The following STK39 variants were observed in gnomAD, a reference collection of about 807,000 sequenced individuals.
STK39 encodes serine/threonine kinase 39.
STK39 carries 20 observed loss-of-function variants against 77.8 expected under a neutral mutation model. The observed-to-expected ratio is 0.26, with a 90% CI of 0.18 to 0.37. The LOEUF is 0.37. STK39 is among the 10% of genes least tolerant of loss of function. The pLI is 1.00. For missense variants in STK39, 479 were observed against 656.5 expected (o/e 0.73, Z 2.95); for synonymous variants, 246 against 234.1 (o/e 1.05, Z -0.47).
intron 16 of STK39, among the ~76,000 whole-genome samples, chr2:168,001,581 T>C (rs1010914648): frequency 2.0e-5 from 3 of 152,188 alleles, no homozygotes; most frequent in African/African-American, 4.8e-5. Flanking sequence ...TAATTAGATA[T>C]GGAGCCAAAA....
intron 1 of STK39, among the ~76,000 whole-genome samples, chr2:168,218,333 G>T (rs1690075693): frequency 6.6e-6 from 1 of 152,158 alleles, no homozygotes; most frequent in Non-Finnish European, 1.5e-5. Context: ...TTCCCCAAAA[G>T]AATATCTTGG....
chr2:168,182,563 C>A (rs936765104), intron 1 of STK39, among the ~76,000 whole-genome samples: 2 of 152,132 alleles, frequency 1.3e-5, no homozygotes, highest in African/African-American at 2.4e-5. Flanking sequence ...CAAGAATCAA[C>A]CCTAGTATTC....
chr2:168,022,999 C>T (rs1277057815), intron 14 of STK39, among the ~76,000 whole-genome samples: 1 of 152,166 alleles, frequency 6.6e-6, no homozygotes, highest in Non-Finnish European at 1.5e-5. Context: ...ACTGCAGCCT[C>T]GAACTCTCGG....
At chr2:168,044,739 C>A (rs115464767) in intron 14 of STK39, among the ~76,000 whole-genome samples, 1 of 152,152 alleles carries the variant, frequency 6.6e-6, no homozygotes, top group African/African-American at 2.4e-5. Context: ...TGAGCGAAGA[C>A]CTGTTTGTCT....
At chr2:168,108,281 G>A (rs953357291) in intron 10 of STK39, among the ~76,000 whole-genome samples, 3 of 152,148 alleles carry the variant, frequency 2.0e-5, no homozygotes, top group African/African-American at 7.2e-5. Context: ...CATAGGCTGG[G>A]TACAGTGAAT....
At chr2:168,108,629 G>A (rs1194585911) in intron 10 of STK39, among the ~76,000 whole-genome samples, 1 of 151,894 alleles carries the variant, frequency 6.6e-6, no homozygotes, top group African/African-American at 2.4e-5. Context: ...TCACAGACAT[G>A]GAGTCCATAA....
intron 16 of STK39, among the ~76,000 whole-genome samples, chr2:168,000,714 A>C (rs1683978826): frequency 6.6e-6 from 1 of 152,242 alleles, no homozygotes; most frequent in Non-Finnish European, 1.5e-5. Context: ...AAAGACAAGA[A>C]AGTGCAGAGC....
chr2:168,063,425 G>A (rs1335355376), intron 14 of STK39, 75 bp downstream of exon 14: 2 of 1,305,262 alleles, frequency 1.5e-6, no homozygotes, highest in East Asian at 4.7e-5. Context: ...CTAATATTAT[G>A]AAAGGTTAAC....
intron 1 of STK39, among the ~76,000 whole-genome samples, chr2:168,211,270 T>C (rs73031040): frequency 0.019 from 2,870 of 152,308 alleles, 72 homozygotes; most frequent in African/African-American, 0.065. Flanking sequence ...TAAATATGGA[T>C]GTATTGCTCA....
chr2:168,192,788 A>G (rs896302285), intron 1 of STK39, among the ~76,000 whole-genome samples: 8 of 152,246 alleles, frequency 5.3e-5, no homozygotes, highest in African/African-American at 1.7e-4. Context: ...GGTTAATAGT[A>G]TCCACATGAT....
At chr2:168,217,285 T>C (rs1690047857) in intron 1 of STK39, among the ~76,000 whole-genome samples, 1 of 152,172 alleles carries the variant, frequency 6.6e-6, no homozygotes, top group Non-Finnish European at 1.5e-5. Context: ...TGGACCTTCA[T>C]TATTGGAGGA....
At chr2:168,227,710 T>C (rs1036347980) in intron 1 of STK39, among the ~76,000 whole-genome samples, 1 of 152,236 alleles carries the variant, frequency 6.6e-6, no homozygotes, top group Non-Finnish European at 1.5e-5. Flanking sequence ...AGTCTCACAG[T>C]GCAGTGGCAC....
intron 14 of STK39, among the ~76,000 whole-genome samples, chr2:168,023,007 C>T (rs1286797520): frequency 2.6e-5 from 4 of 152,190 alleles, no homozygotes; most frequent in African/African-American, 7.2e-5. Flanking sequence ...CTCGAACTCT[C>T]GGGCTCAAGC....
chr2:168,045,873 C>A (rs1559071487), intron 14 of STK39, among the ~76,000 whole-genome samples: 1 of 152,140 alleles, frequency 6.6e-6, no homozygotes, highest in Non-Finnish European at 1.5e-5. Flanking sequence ...TGACAGGGAA[C>A]CCTCACGAGT....
chr2:168,205,288 G>A (rs1689713995), intron 1 of STK39, among the ~76,000 whole-genome samples: 1 of 152,118 alleles, frequency 6.6e-6, no homozygotes, highest in African/African-American at 2.4e-5. Flanking sequence ...CAACTTAATT[G>A]CAAATTTGTG....
chr2:167,985,758 CA>C (rs1365723693), intron 16 of STK39, among the ~76,000 whole-genome samples: 1 of 152,070 alleles, frequency 6.6e-6, no homozygotes, highest in African/African-American at 2.4e-5. Context: ...TATTAATTTG[CA>C]TGCATTAGGA....
chr2:167,963,818 T>C (rs1692067821), intron 17 of STK39, among the ~76,000 whole-genome samples: 1 of 152,244 alleles, frequency 6.6e-6, no homozygotes, highest in South Asian at 2.1e-4. Flanking sequence ...ACATTTTCCA[T>C]TTAATTTCAC....
In STK39 at chr2:168,138,147, C is replaced by T. The variant is rs1378978281; in HGVS notation, c.915G>A (p.Lys305=). The change falls in exon 8 of 18, where the codon AAG becomes AAA. Residue 305 remains lysine, a synonymous_variant. Coordinates refer to ENST00000355999, the MANE Select transcript of STK39 (RefSeq NM_013233.3). ...GTAATTTTCTAAAGGACTTGCCGTA[C>T]TTTTTCATCATTTCTTTATCCTCTA... ...TGVEDKEMMK[K]YGKSFRKLLS... 1.2e-6 allele frequency: 2 copies of T among 1,613,850 alleles called. No individual in the cohort carries two copies. The highest frequency in any genetic ancestry group is 1.7e-6 in the Non-Finnish European group (2 of 1,179,936).
In STK39 at chr2:168,217,057, T is replaced by C. The variant is rs941303522; in HGVS notation, c.208+30171A>G. The stretch of plus-strand genomic sequence containing the variant: ...CTGCTCAGACCTGCCAGGGTTGTAT[T>C]TCCACAAGCCATTATCCTATGATGT... On this transcript the variant is annotated intron_variant, in intron 1 of 17. Transcript: ENST00000355999. 2.0e-3 allele frequency among the ~76,000 whole-genome samples: 303 copies of C among 152,352 alleles called. 1 individual carries two copies. Among genetic ancestry groups the C allele is most frequent in the Non-Finnish European group, 3.1e-4 (21 of 68,032 alleles).
Sources: gnomAD v4.1 joint callset for allele counts (sites outside exome capture counted in the v4.1 genomes callset) on GRCh38, gnomAD v4.1.1 for gene constraint, MANE v1.5 for transcripts, NCBI Gene and HGNC (gene_info 2026-07-23, HGNC 2026-07-21) for gene names.